The following CTPS2 variants were observed in gnomAD, a reference collection of about 807,000 sequenced individuals.
The protein encoded by CTPS2 is CTP synthase 2, also known as CTP synthase II.
Under a neutral mutation model 46.8 loss-of-function variants are expected in CTPS2, and 19 were observed. The observed-to-expected ratio is 0.41, with a 90% CI of 0.28 to 0.60. The LOEUF is 0.60. Among genes scored for constraint, CTPS2 ranks in the 20% least tolerant of loss-of-function variants. The probability of loss-of-function intolerance (pLI) is 0.35; values close to 1 mark genes in which losing one functional copy is unlikely to be tolerated. For missense variants in CTPS2, 286 were observed against 447.6 expected (o/e 0.64, Z 3.26); for synonymous variants, 151 against 165.2 (o/e 0.91, Z 0.66).
At chrX:16,631,590 G>A (rs1931474276) in intron 14 of CTPS2, among the ~76,000 whole-genome samples, 1 of 112,088 alleles carries the variant, frequency 8.9e-6, no homozygotes, top group Non-Finnish European at 1.9e-5. Context: ...AGATTGTGCA[G>A]TATTCAAACA....
In CTPS2 at chrX:16,658,951, T is replaced by C. The variant is rs191718620; in HGVS notation, c.1296+8563A>G. ...TCTTTTGTTCAATCAATATAATGTG[T>C]TAATTTAATTCCCAGGATAAACACA... is the stretch of plus-strand genomic sequence containing the variant. On this transcript the variant is annotated intron_variant, in intron 13 of 18. Transcript: ENST00000359276. 2.7e-5 allele frequency among the ~76,000 whole-genome samples: 3 copies of C among 112,488 alleles called. No homozygotes were observed. In the East Asian group the frequency reaches 8.3e-4, roughly 31 times the overall value.
intron 17 of CTPS2, 98 bp from the exon 18 acceptor site, chrX:16,590,960 G>A: frequency 3.6e-6 from 2 of 558,791 alleles, no homozygotes; most frequent in South Asian, 6.1e-5. Context: ...TAACCCCTTA[G>A]TATGAGAGAA....
rs755983576 is a variant in CTPS2, at chrX:16,698,349, G to A, written c.338-13C>T. The A allele has an allele frequency of 1.8e-6, 2 of 1,110,025 alleles. No individual in the cohort carries two copies. The highest frequency in any genetic ancestry group is 1.9e-5 in the South Asian group (1 of 53,717). The allele number at this position is 1,110,025 out of a possible 1,213,427, so 91.5% of individuals were successfully genotyped here. ...ATGTGAGGGACAACTGTAGAAAGAA[G>A]TATTAATACAAAAGTTTATTCCATG... is the stretch of plus-strand genomic sequence containing the variant. On this transcript the variant is annotated splice_polypyrimidine_tract_variant and intron_variant, in intron 3 of 18. Transcript: ENST00000359276.
At chrX:16,669,317 C>T (rs1190068429) in intron 11 of CTPS2, among the ~76,000 whole-genome samples, 6 of 108,602 alleles carry the variant, frequency 5.5e-5, no homozygotes, top group African/African-American at 1.3e-4. Context: ...GATGCTCCTC[C>T]GATAGATACT....
chrX:16,699,908 T>C (rs772776337), intron 2 of CTPS2, among the ~76,000 whole-genome samples: 1 of 102,209 alleles, frequency 9.8e-6, no homozygotes, highest in East Asian at 3.1e-4. Flanking sequence ...CAAATTGATA[T>C]CACAATACTT....
rs1369537134 is a variant in CTPS2, at chrX:16,618,417, G to T, written c.1450-1171C>A. ...TACTGCTATGATCATTCAGATAAAA[G>T]TTTTTGTGTGGACATACATTTTCAT... On this transcript the variant is annotated intron_variant, in intron 15 of 18. Transcript: ENST00000359276. Among the ~76,000 whole-genome samples, 35 of 112,162 alleles carry T rather than the reference G, an allele frequency of 3.1e-4. No individual in the cohort carries two copies. In the Admixed American group the frequency reaches 3.3e-3, roughly 11 times the overall value.
chrX:16,625,854 G>A (rs1320521268), intron 14 of CTPS2, among the ~76,000 whole-genome samples: 1 of 110,609 alleles, frequency 9.0e-6, no homozygotes, highest in East Asian at 2.8e-4. Context: ...CTCCTTCTCT[G>A]CCACACCACT....
intron 17 of CTPS2, among the ~76,000 whole-genome samples, chrX:16,595,507 T>C (rs1929191463): frequency 9.0e-6 from 1 of 110,741 alleles, no homozygotes; most frequent in Non-Finnish European, 1.9e-5. Flanking sequence ...AGGGTCTCCA[T>C]GTTGGCCAGG....
chrX:16,591,072 T>C (rs1928877542), intron 17 of CTPS2: 1 of 300,665 alleles, frequency 3.3e-6, no homozygotes, highest in Non-Finnish European at 5.8e-6. Flanking sequence ...AACTGATCAC[T>C]TATTTTCATC....
chrX:16,678,627 G>C (rs1478459376), intron 9 of CTPS2, among the ~76,000 whole-genome samples, 177 bp from the exon 10 acceptor site: 1 of 111,566 alleles, frequency 9.0e-6, no homozygotes, highest in African/African-American at 3.3e-5. Context: ...CTTTCAGAAA[G>C]ATTACAAAAC....
At chrX:16,712,748 G>A (rs1034756537), upstream of CTPS2, 1 of 112,747 alleles carries the variant, frequency 8.9e-6, no homozygotes, top group African/African-American at 3.2e-5. Context: ...GAGTGCGCGG[G>A]TGAACTCCAC....
chrX:16,613,440 G>A (rs1602137258), intron 16 of CTPS2, among the ~76,000 whole-genome samples: 1 of 111,727 alleles, frequency 9.0e-6, no homozygotes, highest in South Asian at 3.8e-4. Flanking sequence ...GGATGGCAGT[G>A]CAATTCTAAA....
intron 13 of CTPS2, among the ~76,000 whole-genome samples, chrX:16,645,474 TATG>T (rs1279692371): frequency 2.7e-5 from 3 of 110,986 alleles, no homozygotes; most frequent in Admixed American, 9.6e-5. Context: ...GAGTACACAC[TATG>T]CCCAGTCCTG....
At chrX:16,669,179 C>T (rs768844701) in intron 11 of CTPS2, among the ~76,000 whole-genome samples, 28 of 110,326 alleles carry the variant, frequency 2.5e-4, no homozygotes, top group Admixed American at 1.4e-3. Flanking sequence ...GAACAGAGTG[C>T]TCGGTGATGA....
At chrX:16,703,304 G>T (rs760159851) in intron 1 of CTPS2, among the ~76,000 whole-genome samples, 12 of 108,010 alleles carry the variant, frequency 1.1e-4, no homozygotes, top group Non-Finnish European at 2.3e-4. Flanking sequence ...TGGGATAACA[G>T]GCATGAGCCA....
At chrX:16,645,624 T>C (rs781636023) in intron 13 of CTPS2, among the ~76,000 whole-genome samples, 9 of 112,415 alleles carry the variant, frequency 8.0e-5, no homozygotes, top group East Asian at 5.6e-4. Flanking sequence ...TAAGTACGTA[T>C]GTATTTTTCC....
intron 16 of CTPS2, among the ~76,000 whole-genome samples, chrX:16,610,544 A>C (rs773985699): frequency 4.5e-4 from 51 of 112,130 alleles, no homozygotes; most frequent in Non-Finnish European, 2.3e-4. Flanking sequence ...AAGTCAAAAA[A>C]CAGCAGATGC....
chrX:16,680,976 A>G (rs966210480), intron 9 of CTPS2, among the ~76,000 whole-genome samples: 1 of 112,192 alleles, frequency 8.9e-6, no homozygotes, highest in African/African-American at 3.2e-5. Flanking sequence ...ACCTGAGGTC[A>G]GGAGTTCGAG....
intron 13 of CTPS2, among the ~76,000 whole-genome samples, chrX:16,644,957 C>A (rs939231065): frequency 1.8e-5 from 2 of 112,141 alleles, no homozygotes; most frequent in African/African-American, 6.5e-5. Flanking sequence ...AGATCAAGTA[C>A]TCAATAATGG....
Sources: allele counts gnomAD v4.1 joint callset (sites outside exome capture counted in the v4.1 genomes callset), GRCh38; gene constraint gnomAD v4.1.1; transcripts MANE v1.5; gene names NCBI Gene and HGNC (gene_info 2026-07-23, HGNC 2026-07-21).